CIMIP4: variants seen among roughly 807,000 people sequenced by gnomAD.
The protein encoded by CIMIP4 is ciliary microtubule inner protein 4.
the CIMIP4 span, among the ~76,000 whole-genome samples, chr22:36,992,131 G>A: frequency 2.0e-5 from 3 of 152,072 alleles, no homozygotes; most frequent in South Asian, 6.2e-4. Flanking sequence ...GGTGGATCAC[G>A]AGGTCAGGGG....
chr22:36,997,070 G>A, the CIMIP4 span, among the ~76,000 whole-genome samples: 32 of 152,278 alleles, frequency 2.1e-4, no homozygotes, highest in Middle Eastern at 3.4e-3. Context: ...GCCTGAGCTC[G>A]TCATCTCACT....
the CIMIP4 span, among the ~76,000 whole-genome samples, chr22:36,994,589 G>T: frequency 1.4e-5 from 2 of 147,058 alleles, no homozygotes; most frequent in Non-Finnish European, 3.0e-5. Context: ...GGATGATCTC[G>T]ATCTCTTGAC....
chr22:37,004,963 C>T, the CIMIP4 span, among the ~76,000 whole-genome samples: 1 of 152,162 alleles, frequency 6.6e-6, no homozygotes, highest in African/African-American at 2.4e-5. Context: ...GCTGGGATTA[C>T]AGGTGTGAGC....
the CIMIP4 span, among the ~76,000 whole-genome samples, chr22:36,998,738 A>G: frequency 1.3e-5 from 2 of 152,146 alleles, no homozygotes; most frequent in South Asian, 2.1e-4. Flanking sequence ...CCAACCAAAC[A>G]GGACTACACT....
the CIMIP4 span, among the ~76,000 whole-genome samples, chr22:37,005,918 G>T: frequency 1.2e-3 from 177 of 152,294 alleles, 2 homozygotes; most frequent in African/African-American, 4.0e-3. Context: ...GCTTCAGAAG[G>T]CTGTCTGGAA....
At chr22:37,003,961 C>T in the CIMIP4 span, 4 of 1,549,770 alleles carry the variant, frequency 2.6e-6, no homozygotes, top group African/African-American at 2.7e-5. Context: ...GTCTGCCTGT[C>T]CTACCTGCTC....
the CIMIP4 span, chr22:37,004,082 C>A: frequency 2.0e-6 from 3 of 1,469,504 alleles, no homozygotes; most frequent in Non-Finnish European, 2.8e-6. Context: ...TTTCTGTGAA[C>A]AAGGATGAGC....
the CIMIP4 span, among the ~76,000 whole-genome samples, chr22:37,004,693 C>CTTT: frequency 1.4e-5 from 2 of 146,128 alleles, no homozygotes; most frequent in African/African-American, 2.5e-5. Context: ...TGTGATCTTT[C>CTTT]TTTTTTTTTT....
At chr22:36,993,733 A>AAAAAG in the CIMIP4 span, among the ~76,000 whole-genome samples, 5,105 of 152,064 alleles carry the variant, frequency 0.034, 104 homozygotes, top group Non-Finnish European at 0.045. Flanking sequence ...CATCTCAAAA[A>AAAAAG]AAAAGAAAAG....
At chr22:36,999,764 A>T in the CIMIP4 span, 1 of 1,532,792 alleles carries the variant, frequency 6.5e-7, no homozygotes, top group Non-Finnish European at 8.8e-7. Flanking sequence ...TGGAGTGGAA[A>T]CCCCAAAGGC....
the CIMIP4 span, among the ~76,000 whole-genome samples, chr22:37,005,904 A>T: frequency 6.6e-6 from 1 of 152,212 alleles, no homozygotes; most frequent in African/African-American, 2.4e-5. Context: ...AAAATTAAGA[A>T]ATAGCTTCAG....
the CIMIP4 span, chr22:36,991,740 T>C: frequency 4.5e-6 from 3 of 672,618 alleles, no homozygotes; most frequent in Admixed American, 8.2e-5. Flanking sequence ...GTCGTTTGGG[T>C]TCAAACCCAG....
the CIMIP4 span, among the ~76,000 whole-genome samples, chr22:36,992,678 A>G: frequency 6.6e-6 from 1 of 152,140 alleles, no homozygotes; most frequent in Admixed American, 6.5e-5. Context: ...TCTTTTCCAT[A>G]AGCTTGAAAA....
At chr22:37,003,823 C>T in the CIMIP4 span, 3 of 715,464 alleles carry the variant, frequency 4.2e-6, no homozygotes, top group Admixed American at 1.1e-4. Context: ...AGAATGCCCC[C>T]CTAGGAAGCC....
At chr22:36,991,716 G>A in the CIMIP4 span, 12 of 791,780 alleles carry the variant, frequency 1.5e-5, no homozygotes, top group South Asian at 1.8e-4. Context: ...GAGTGGGAAG[G>A]GTTTCAAAGT....
the CIMIP4 span, among the ~76,000 whole-genome samples, chr22:37,001,467 C>T: frequency 2.6e-5 from 4 of 152,078 alleles, no homozygotes; most frequent in African/African-American, 9.7e-5. Context: ...TGGAAAACAT[C>T]CAATTCACAC....
the CIMIP4 span, among the ~76,000 whole-genome samples, chr22:37,001,206 A>G: frequency 6.6e-6 from 1 of 151,768 alleles, no homozygotes; most frequent in Non-Finnish European, 1.5e-5. Context: ...GAGTGCTGGC[A>G]TTGACTAGTG....
the CIMIP4 span, among the ~76,000 whole-genome samples, chr22:36,991,896 G>A: frequency 0.022 from 3,278 of 152,120 alleles, 114 homozygotes; most frequent in African/African-American, 0.075. Flanking sequence ...TCTAGCAAGT[G>A]GCAACTAATA....
At chr22:36,991,542 C>A in the CIMIP4 span, 1 of 1,614,176 alleles carries the variant, frequency 6.2e-7, no homozygotes, top group Non-Finnish European at 8.5e-7. Flanking sequence ...TCTCAATGAC[C>A]TCTGGTGTGT....
Sources: gnomAD v4.1 joint callset for allele counts (sites outside exome capture counted in the v4.1 genomes callset) on GRCh38, gnomAD v4.1.1 for gene constraint, MANE v1.5 for transcripts, NCBI Gene and HGNC (gene_info 2026-07-23, HGNC 2026-07-21) for gene names.